The following PAX5 variants were observed in gnomAD, a reference collection of about 807,000 sequenced individuals.
PAX5 encodes paired box 5, also known as paired box protein Pax-5.
A neutral mutation model predicts 43.7 loss-of-function variants in PAX5; 9 were observed. The observed-to-expected ratio is 0.21, with a 90% CI of 0.12 to 0.36. PAX5 has a LOEUF of 0.36. Ranked by LOEUF, PAX5 falls within the 10% of genes least tolerant of loss-of-function variation. The pLI is 1.00. For missense variants in PAX5, 383 were observed against 532.7 expected, an observed-to-expected ratio of 0.72 and a Z score of 2.77; for synonymous variants, 228 against 214.3, an observed-to-expected ratio of 1.06 and a Z score of -0.56.
intron 7 of PAX5, among the ~76,000 whole-genome samples, chr9:36,915,664 A>G (rs1829680118): frequency 6.6e-6 from 1 of 151,760 alleles, no homozygotes; most frequent in African/African-American, 2.4e-5. Flanking sequence ...TGTCTTTTGG[A>G]TGTTCTTCCA....
intron 8 of PAX5, among the ~76,000 whole-genome samples, chr9:36,870,286 C>A (rs1465687236): frequency 6.6e-6 from 1 of 152,196 alleles, no homozygotes; most frequent in Non-Finnish European, 1.5e-5. Flanking sequence ...AGGCCCCTTT[C>A]CATTCTACCC....
At chr9:37,031,569 G>A (rs1564098839) in intron 1 of PAX5, among the ~76,000 whole-genome samples, 1 of 152,186 alleles carries the variant, frequency 6.6e-6, no homozygotes, top group Non-Finnish European at 1.5e-5. Flanking sequence ...GGAGAGAGGG[G>A]GGAATCTGTC....
intron 6 of PAX5, among the ~76,000 whole-genome samples, chr9:36,941,663 C>T (rs1476386088): frequency 1.3e-5 from 2 of 152,148 alleles, no homozygotes; most frequent in East Asian, 3.9e-4. Flanking sequence ...CTGGGCTCCC[C>T]CCTTGGCCTG....
intron 1 of PAX5, among the ~76,000 whole-genome samples, chr9:37,030,824 AC>A (rs1319312369): frequency 1.3e-5 from 2 of 152,126 alleles, no homozygotes; most frequent in African/African-American, 4.8e-5. Flanking sequence ...TAGTAGCCTG[AC>A]ATCGACTCTC....
chr9:36,841,513 G>A (rs773356960), intron 9 of PAX5, among the ~76,000 whole-genome samples: 18 of 152,136 alleles, frequency 1.2e-4, no homozygotes, highest in Non-Finnish European at 2.5e-4. Flanking sequence ...ACACTCCCCT[G>A]TAGTCTGTCC....
rs542005261 is a variant in PAX5 at position 36,849,003 on chromosome 9, G to C, written c.1013-2074C>G. ...TTCTAGCCTTACAGTGGTGAATGTA[G>C]AGGTCCTTGGCTACCTTTTCCTCTG... On this transcript the variant is annotated intron_variant, in intron 8 of 9. Transcript: ENST00000358127. Among the ~76,000 whole-genome samples, 4 of 152,302 alleles carry C rather than the reference G, an allele frequency of 2.6e-5. No homozygotes were observed. In the South Asian group the frequency reaches 8.3e-4, roughly 32 times the overall value.
intron 7 of PAX5, among the ~76,000 whole-genome samples, chr9:36,920,115 A>G (rs765811245): frequency 6.6e-6 from 1 of 152,220 alleles, no homozygotes; most frequent in Non-Finnish European, 1.5e-5. Flanking sequence ...ATGGATAAGC[A>G]AAGAAAGTGG....
At chr9:36,976,534 C>G (rs1192090171) in intron 5 of PAX5, among the ~76,000 whole-genome samples, 1 of 152,186 alleles carries the variant, frequency 6.6e-6, no homozygotes, top group Non-Finnish European at 1.5e-5. Flanking sequence ...TGGCCAGGCT[C>G]TAAATGTCCC....
At chr9:37,020,150 C>T (rs1356870376) in intron 2 of PAX5, among the ~76,000 whole-genome samples, 2 of 150,670 alleles carry the variant, frequency 1.3e-5, no homozygotes, top group Non-Finnish European at 2.9e-5. Context: ...ATGCTTGTCA[C>T]TGCGATGGAA....
At chr9:36,923,786 C>T (rs1287337024) in intron 6 of PAX5, among the ~76,000 whole-genome samples, 1 of 152,182 alleles carries the variant, frequency 6.6e-6, no homozygotes, top group Non-Finnish European at 1.5e-5. Context: ...CTCCAGTTGG[C>T]CAGAGACCCC....
At chr9:36,985,578 CAGG>C (rs1230961142) in intron 5 of PAX5, among the ~76,000 whole-genome samples, 4 of 152,128 alleles carry the variant, frequency 2.6e-5, no homozygotes, top group African/African-American at 9.7e-5. Flanking sequence ...AAGGGGGAGG[CAGG>C]AGAAGGCTGT....
Position 36,840,730 on chromosome 9 carries a change from C to G in PAX5, c.1100-94G>C, listed in dbSNP as rs12337859. ...TGTCCTTTCCTCCCCTCACTCAGTC[C>G]GGGCCACCATCCTCTCTCACCAAGA... On this transcript the variant is annotated intron_variant, in intron 9 of 9. Coordinates refer to ENST00000358127, the MANE Select transcript of PAX5 (RefSeq NM_016734.3). 0.013 allele frequency: 9,768 copies of G among 742,872 alleles called. 644 individuals carry two copies. The African/African-American group carries it at 0.15, about 11-fold the overall frequency. 46.0% of individuals were successfully genotyped at this position (742,872 alleles called of 1,614,324 possible).
At chr9:36,952,335 G>C (rs1833082431) in intron 6 of PAX5, among the ~76,000 whole-genome samples, 1 of 134,172 alleles carries the variant, frequency 7.5e-6, no homozygotes, top group Non-Finnish European at 1.5e-5. Flanking sequence ...CGCCTCCCAA[G>C]TTCAAGTAAT....
At chr9:36,960,315 A>G (rs370557177) in intron 6 of PAX5, among the ~76,000 whole-genome samples, 35 of 152,338 alleles carry the variant, frequency 2.3e-4, no homozygotes, top group African/African-American at 7.9e-4. Context: ...ACGTTCATGC[A>G]CATACACACA....
intron 7 of PAX5, among the ~76,000 whole-genome samples, chr9:36,902,213 C>T (rs186307848): frequency 6.6e-4 from 100 of 152,330 alleles, no homozygotes; most frequent in Admixed American, 6.4e-3. Flanking sequence ...CAGTTAGTGA[C>T]GTCAGGATTT....
chr9:36,876,935 A>G (rs901297179), intron 8 of PAX5, among the ~76,000 whole-genome samples: 1 of 152,184 alleles, frequency 6.6e-6, no homozygotes, highest in African/African-American at 2.4e-5. Flanking sequence ...AAAACATGAC[A>G]TCCACTTTTT....
chr9:36,860,750 TAACC>T (rs1277301890), intron 8 of PAX5: 1 of 152,062 alleles, frequency 6.6e-6, no homozygotes, highest in Non-Finnish European at 1.5e-5. Context: ...CACCATAAGC[TAACC>T]ACTGAGAAGG....
At chr9:36,959,996 C>A (rs892939396) in intron 6 of PAX5, among the ~76,000 whole-genome samples, 1 of 152,228 alleles carries the variant, frequency 6.6e-6, no homozygotes, top group African/African-American at 2.4e-5. Context: ...CAGAGCCAGG[C>A]ATGCCATAAG....
chr9:36,900,893 C>T (rs575051284), intron 7 of PAX5, among the ~76,000 whole-genome samples: 1 of 149,700 alleles, frequency 6.7e-6, no homozygotes. Context: ...ATCTCAGCCA[C>T]TGGCTCCATT....
Sources: allele counts gnomAD v4.1 joint callset (sites outside exome capture counted in the v4.1 genomes callset), GRCh38; gene constraint gnomAD v4.1.1; transcripts MANE v1.5; gene names NCBI Gene and HGNC (gene_info 2026-07-23, HGNC 2026-07-21).